The following YWHAG variants were observed in gnomAD, a reference collection of about 807,000 sequenced individuals.
YWHAG encodes the protein 14-3-3 protein gamma.
YWHAG carries 1 observed loss-of-function variant against 23.3 expected under a neutral mutation model. The ratio of observed to expected loss-of-function variants is 0.04; its 90% confidence interval spans 0.02 to 0.20. The LOEUF (loss-of-function observed/expected upper bound fraction) is 0.20. YWHAG is among the 10% of genes least tolerant of loss of function. YWHAG has a pLI of 1.00. For missense variants in YWHAG, 151 were observed against 338.6 expected (o/e 0.45, Z 4.35); for synonymous variants, 160 against 144.0 (o/e 1.11, Z -0.80).
intron 1 of YWHAG, among the ~76,000 whole-genome samples, chr7:76,350,470 C>A (rs1198365175): frequency 6.6e-6 from 1 of 152,222 alleles, no homozygotes; most frequent in Non-Finnish European, 1.5e-5. Flanking sequence ...ATGTACAACT[C>A]ATTTATGGGG....
In YWHAG at chr7:76,358,828, G is replaced by T; in HGVS notation, c.-20C>A. ...CACCATCTTCGCGGGGCTGGGTCTG[G>T]CCGGAGAAGGAGGAGGACACTGGGG... On this transcript the variant is annotated 5_prime_UTR_variant, in exon 1 of 2. Transcript: ENST00000307630. 2 of 1,583,092 alleles carry T rather than the reference G, an allele frequency of 1.3e-6. No individual in the cohort carries two copies. Among genetic ancestry groups the T allele is most frequent in the Middle Eastern group, 1.7e-4 (1 of 5,918 alleles).
intron 1 of YWHAG, among the ~76,000 whole-genome samples, chr7:76,349,125 G>A (rs563956330): frequency 2.6e-5 from 4 of 151,956 alleles, no homozygotes; most frequent in East Asian, 1.9e-4. Context: ...GGTGGATCAC[G>A]AGGTCAGAAG....
In YWHAG at chr7:76,329,739, G is replaced by A. The variant is rs1244863241; in HGVS notation, c.582C>T (p.Cys194=). The change falls in exon 2 of 2, where the codon TGC becomes TGT. Residue 194 remains cysteine (C), a synonymous_variant. Coordinates refer to ENST00000307630, the MANE Select transcript of YWHAG (RefSeq NM_012479.4). The surrounding 1 kb of genome is among the most constrained non-coding windows in gnomAD (Gnocchi z 6.1). ...CGTCGAACGCGGTCTTGGCCAAGTG[G>A]CACGCTTGCTCTGGGGCGTTCTGGA... ...YEIQNAPEQA[C]HLAKTAFDDA... 6.2e-7 allele frequency: 1 copy of A among 1,614,184 alleles called. No individual in the cohort carries two copies. The highest frequency in any genetic ancestry group is 1.7e-5 in the Admixed American group (1 of 59,996).
In YWHAG at chr7:76,326,975, C is replaced by T. The variant is rs1803451606; in HGVS notation, c.*2602G>A. 2 of 152,540 alleles carry T rather than the reference C, an allele frequency of 1.3e-5. No homozygotes were observed. The highest frequency in any genetic ancestry group is 4.1e-4 in the South Asian group (2 of 4,834). 9.4% of individuals were successfully genotyped at this position (152,540 alleles called of 1,614,324 possible). A position where few individuals can be genotyped will look rare whatever the true frequency, so the allele number is the denominator to read the frequency against. ...ACCTTAAAAATAGTTCACTGCATAA[C>T]ATGACAAAAAGCACAAAGGCTCATT... On this transcript the variant is annotated 3_prime_UTR_variant, in exon 2 of 2. Coordinates refer to ENST00000307630, the MANE Select transcript of YWHAG (RefSeq NM_012479.4).
intron 1 of YWHAG, among the ~76,000 whole-genome samples, chr7:76,343,676 C>T (rs774713117): frequency 1.9e-4 from 29 of 152,212 alleles, no homozygotes; most frequent in Non-Finnish European, 3.8e-4. Flanking sequence ...CTCTCTACCT[C>T]CATAATCTGA....
At chr7:76,347,367 C>A (rs1351630994) in intron 1 of YWHAG, among the ~76,000 whole-genome samples, 1 of 152,182 alleles carries the variant, frequency 6.6e-6, no homozygotes, top group Non-Finnish European at 1.5e-5. Flanking sequence ...GAGGCCAAGG[C>A]AGGTGGTTCA....
intron 1 of YWHAG, among the ~76,000 whole-genome samples, chr7:76,352,335 C>T (rs1201259739): frequency 6.6e-6 from 1 of 152,174 alleles, no homozygotes; most frequent in Non-Finnish European, 1.5e-5. Flanking sequence ...CCTCACTTCC[C>T]TGCCCACGGC....
Position 76,329,594 on chromosome 7 carries a change from C to T in YWHAG, c.727G>A (p.Gly243Ser), listed in dbSNP as rs1425390006. 4 of 1,607,990 alleles carry T rather than the reference C, an allele frequency of 2.5e-6. No homozygotes were observed. The highest frequency in any genetic ancestry group is 1.7e-5 in the Admixed American group (1 of 59,662). ...CTGGGGCCTTAATTGTTGCCTTCGC[C>T]GCCATCGTCGTCCTGCTGGTCGCTC... ...WTSDQQDDDG[G>S]EGNN Residue 243 changes from glycine to serine, a missense_variant, in exon 2 of 2, where the codon GGC becomes AGC. Gly to Ser is a moderately conservative substitution (Grantham distance 56). Transcript: ENST00000307630. This position sits in a 1 kb window ranked among gnomAD's most constrained non-coding sequence, Gnocchi z 6.1.
intron 1 of YWHAG, among the ~76,000 whole-genome samples, chr7:76,354,408 G>A (rs958686614): frequency 1.3e-5 from 2 of 152,146 alleles, no homozygotes; most frequent in Admixed American, 1.3e-4. Flanking sequence ...CTACTTGGGA[G>A]GCTGAGGCAG....
chr7:76,333,667 T>A (rs544219279), intron 1 of YWHAG, among the ~76,000 whole-genome samples: 1 of 152,198 alleles, frequency 6.6e-6, no homozygotes. Flanking sequence ...TGCCCAGACT[T>A]GGCTTTGGAA....
At chr7:76,352,802 AC>A (rs1803895532) in intron 1 of YWHAG, among the ~76,000 whole-genome samples, 1 of 152,142 alleles carries the variant, frequency 6.6e-6, no homozygotes, top group South Asian at 2.1e-4. Context: ...GGCATGCGCC[AC>A]CATGCCCAGC....
intron 1 of YWHAG, 67 bp from the exon 2 acceptor site, chr7:76,330,300 A>G: frequency 6.7e-7 from 1 of 1,500,610 alleles, no homozygotes; most frequent in South Asian, 1.3e-5. Context: ...TGTATCTTTG[A>G]GACACTAGAA....
intron 1 of YWHAG, among the ~76,000 whole-genome samples, chr7:76,356,980 T>C (rs1360832237): frequency 6.6e-6 from 1 of 152,248 alleles, no homozygotes; most frequent in Non-Finnish European, 1.5e-5. Context: ...GTGTGTGACA[T>C]CACTTGGTTG....
At chr7:76,350,456 C>T (rs1803857308) in intron 1 of YWHAG, among the ~76,000 whole-genome samples, 1 of 152,226 alleles carries the variant, frequency 6.6e-6, no homozygotes, top group Admixed American at 6.5e-5. Context: ...CCAGATACTC[C>T]TCCATGTACA....
rs569904540 is a variant in YWHAG, at chr7:76,330,069, C to A, written c.252G>T (p.Ala84=). ...ACTCCTTCTCTATCTTCTCCCGGTA[C>A]GCACGGACCATCTCAATCTTCTTCT... ...GNEKKIEMVR[A]YREKIEKELE... is the part of the protein sequence containing the mutation. Residue 84 remains alanine (A), a synonymous_variant, in exon 2 of 2, where the codon GCG becomes GCT. Coordinates refer to ENST00000307630, the MANE Select transcript of YWHAG (RefSeq NM_012479.4). The A allele has an allele frequency of 1.3e-5, 21 of 1,614,060 alleles. 1 individual carries two copies. In the Admixed American group the frequency reaches 3.0e-4, roughly 23 times the overall value.
chr7:76,355,598 T>C (rs990340953), intron 1 of YWHAG, among the ~76,000 whole-genome samples: 4 of 152,108 alleles, frequency 2.6e-5, no homozygotes, highest in African/African-American at 9.7e-5. Flanking sequence ...CATTACTCCA[T>C]TAGTGATAAT....
chr7:76,335,665 T>C (rs921271264), intron 1 of YWHAG, among the ~76,000 whole-genome samples: 2 of 152,082 alleles, frequency 1.3e-5, no homozygotes, highest in South Asian at 2.1e-4. Flanking sequence ...ATTGTAATGG[T>C]AGGGACCAGA....
Position 76,328,562 on chromosome 7 carries a change from C to G in YWHAG, c.*1015G>C, listed in dbSNP as rs928400455. The G allele has an allele frequency of 6.6e-6, 1 of 152,228 alleles. No individual in the cohort carries two copies. The highest frequency in any genetic ancestry group is 2.4e-5 in the African/African-American group (1 of 41,454). The allele number at this position is 152,228 out of a possible 1,614,324, so 9.4% of individuals were successfully genotyped here. On this transcript the variant is annotated 3_prime_UTR_variant, in exon 2 of 2. Transcript: ENST00000307630. Reference sequence around the variant, plus strand: ...TCTCCGACCCCACAGCTTCTGCACCCAGCTGCGTCCGCCAGCACGAGGCGC... The same window carrying G: ...TCTCCGACCCCACAGCTTCTGCACCGAGCTGCGTCCGCCAGCACGAGGCGC...
chr7:76,331,284 T>TGGGGATGGGGA (rs1490993775), intron 1 of YWHAG, among the ~76,000 whole-genome samples: 3 of 73,220 alleles, frequency 4.1e-5, no homozygotes, highest in African/African-American at 1.9e-4. Flanking sequence ...TGGCTGGGGA[T>TGGGGATGGGGA]GGGGAGAGGA....
Sources: gnomAD v4.1 joint callset for allele counts (sites outside exome capture counted in the v4.1 genomes callset) on GRCh38, gnomAD v4.1.1 for gene constraint, Gnocchi (gnomAD v3.1) non-coding constraint, MANE v1.5 for transcripts, NCBI Gene and HGNC (gene_info 2026-07-23, HGNC 2026-07-21) for gene names.